Variants in RRP1B observed in about 807,000 individuals in gnomAD.
The protein encoded by RRP1B is ribosomal RNA processing protein 1 homolog B.
In RRP1B, 56 loss-of-function variants were observed where a neutral mutation model predicts 80.2. That is an observed-to-expected ratio of 0.70 (90% CI 0.56 to 0.87). RRP1B has a LOEUF of 0.87. Ranked by LOEUF, RRP1B falls within the 40% of genes least tolerant of loss-of-function variation. RRP1B has a pLI of 0.00. For missense variants in RRP1B, 807 were observed against 939.8 expected (o/e 0.86, Z 1.85); for synonymous variants, 351 against 357.6 (o/e 0.98, Z 0.21).
Position 43,687,654 on chromosome 21 carries a change from GGGGCAGGGAGCCCGAGGCC to G in RRP1B, c.1281_1299del (p.Gly428LeufsTer3), listed in dbSNP as rs2083068902. 6.3e-7 allele frequency: 1 copy of G among 1,583,912 alleles called. No homozygotes were observed. The highest frequency in any genetic ancestry group is 8.6e-7 in the Non-Finnish European group (1 of 1,163,706). ...GCAGCCCCATCCCTGGAACAGAACCGGGGCAGGGAGCCCGAGGCCTCTGGGCTGAAAGCCCTGAAGGCAC... is the reference window on the plus strand; with the variant it reads ...GCAGCCCCATCCCTGGAACAGAACCGTCTGGGCTGAAAGCCCTGAAGGCAC... On this transcript the variant is annotated frameshift_variant, in exon 13 of 16. Transcript: ENST00000340648. LOFTEE classifies it high-confidence loss of function.
intron 1 of RRP1B, among the ~76,000 whole-genome samples, chr21:43,669,074 A>G (rs2082989524): frequency 6.6e-6 from 1 of 152,190 alleles, no homozygotes; most frequent in Non-Finnish European, 1.5e-5. Context: ...ATGCTGCAGT[A>G]AATGATCACC....
At chr21:43,669,988 A>G in intron 2 of RRP1B, 22 bp downstream of exon 2, 1 of 1,570,490 alleles carries the variant, frequency 6.4e-7, no homozygotes, top group Non-Finnish European at 8.7e-7. Context: ...TCCCTTTGTC[A>G]TGCTCCCGGG....
At chr21:43,686,782 A>G in intron 11 of RRP1B, 22 bp from the exon 12 acceptor site, 1 of 1,613,504 alleles carries the variant, frequency 6.2e-7, no homozygotes, top group Non-Finnish European at 8.5e-7. Flanking sequence ...GGAAGCTAAC[A>G]GTGTGTCACT....
chr21:43,659,820 C>T lies in RRP1B; in HGVS notation c.130+26C>T. 1 of 1,489,744 alleles carries T rather than the reference C, an allele frequency of 6.7e-7. No individual in the cohort carries two copies. Among genetic ancestry groups the T allele is most frequent in the Non-Finnish European group, 9.0e-7 (1 of 1,113,908 alleles). The allele number at this position is 1,489,744 out of a possible 1,614,324, so 92.3% of individuals were successfully genotyped here. On this transcript the variant is annotated intron_variant, in intron 1 of 15. Transcript: ENST00000340648. This position sits in a 1 kb window ranked among gnomAD's most constrained non-coding sequence, Gnocchi z 4.2. Reference sequence around the variant, plus strand: ...GTGGGCGCACGGCCGCGGTCAGCCGCGCCACATGGCGGGCCGGGGGCCGGG... The same window carrying T: ...GTGGGCGCACGGCCGCGGTCAGCCGTGCCACATGGCGGGCCGGGGGCCGGG...
intron 7 of RRP1B, 62 bp downstream of exon 7, chr21:43,676,398 C>A: frequency 1.5e-6 from 2 of 1,293,680 alleles, no homozygotes; most frequent in Non-Finnish European, 2.2e-6. Flanking sequence ...AGTTACTTGC[C>A]GTCGTGCAGC....
At chr21:43,679,626 G>A (rs977725925) in intron 8 of RRP1B, among the ~76,000 whole-genome samples, 1 of 152,088 alleles carries the variant, frequency 6.6e-6, no homozygotes, top group Non-Finnish European at 1.5e-5. Flanking sequence ...GCTCTTTTTT[G>A]ATTCCATATG....
chr21:43,686,600 A>T, intron 11 of RRP1B: 1 of 547,406 alleles, frequency 1.8e-6, no homozygotes, highest in Non-Finnish European at 3.2e-6. Context: ...AGGGCTTGTG[A>T]TCCCTTGCCT....
intron 15 of RRP1B, among the ~76,000 whole-genome samples, chr21:43,692,536 T>C (rs543053166): frequency 6.6e-6 from 1 of 151,616 alleles, no homozygotes; most frequent in East Asian, 1.9e-4. Context: ...GAGATGGAGG[T>C]TGCAGTGAGC....
At chr21:43,676,466 C>A in intron 7 of RRP1B, 130 bp downstream of exon 7, 1 of 762,214 alleles carries the variant, frequency 1.3e-6, no homozygotes, top group Non-Finnish European at 2.2e-6. Flanking sequence ...AGAAGACAGC[C>A]GAAGCTTTGA....
chr21:43,687,447 T>C, intron 12 of RRP1B, 69 bp from the exon 13 acceptor site: 1 of 1,441,854 alleles, frequency 6.9e-7, no homozygotes, highest in Admixed American at 2.4e-5. Context: ...TCATACTGTC[T>C]GAGAATCGCC....
chr21:43,666,717 A>C (rs1601751281), intron 1 of RRP1B, among the ~76,000 whole-genome samples: 1 of 13,444 alleles, frequency 7.4e-5, no homozygotes, highest in Non-Finnish European at 1.1e-4. Context: ...AACTGTCTCC[A>C]AAAAAAAAAA....
intron 14 of RRP1B, 99 bp downstream of exon 14, chr21:43,690,539 G>A: frequency 5.1e-6 from 7 of 1,382,266 alleles, no homozygotes; most frequent in Non-Finnish European, 7.0e-6. Flanking sequence ...GAGCCCCACT[G>A]TGGCCCTCTG....
At chr21:43,680,008 A>G (rs1320467926) in intron 8 of RRP1B, among the ~76,000 whole-genome samples, 1 of 152,120 alleles carries the variant, frequency 6.6e-6, no homozygotes, top group Admixed American at 6.5e-5. Flanking sequence ...TTGTTGGTGT[A>G]TAGCCATCAT....
chr21:43,686,642 T>C (rs1012928520), intron 11 of RRP1B, 162 bp from the exon 12 acceptor site: 3 of 760,624 alleles, frequency 3.9e-6, no homozygotes, highest in Non-Finnish European at 6.1e-6. Context: ...AAAGCTTTTT[T>C]AAGTCTGTAA....
Position 43,688,106 on chromosome 21 carries a change from G to A in RRP1B, c.1732G>A (p.Gly578Ser), listed in dbSNP as rs1438267348. 7 of 1,602,998 alleles carry A rather than the reference G, an allele frequency of 4.4e-6. No individual in the cohort carries two copies. The highest frequency in any genetic ancestry group is 1.7e-4 in the Middle Eastern group (1 of 6,024). The change falls in exon 13 of 16, where the codon GGC becomes AGC. Residue 578 changes from glycine (G) to serine (S), a missense_variant. Coordinates refer to ENST00000340648, the MANE Select transcript of RRP1B (RefSeq NM_015056.3). ...RRLQKKKAGP[G>S]SLELCGLPSQ... ...GCTGCAGAAAAAGAAGGCAGGGCCC[G>A]GCAGCCTGGAGCTCTGTGGCCTGCC...
At chr21:43,662,080 A>G (rs2082959894) in intron 1 of RRP1B, among the ~76,000 whole-genome samples, 1 of 152,220 alleles carries the variant, frequency 6.6e-6, no homozygotes, top group African/African-American at 2.4e-5. Context: ...TCTTAGCCAG[A>G]AGTGGGAGTA....
rs764116718 is a variant in RRP1B, at chr21:43,687,628, T to C, written c.1254T>C (p.Gly418=). The C allele has an allele frequency of 6.5e-6, 10 of 1,547,700 alleles. No individual in the cohort carries two copies. The highest frequency in any genetic ancestry group is 8.7e-6 in the Non-Finnish European group (10 of 1,149,190). Residue 418 remains glycine (G), a synonymous_variant, in exon 13 of 16, where the codon GGT becomes GGC. Coordinates refer to ENST00000340648, the MANE Select transcript of RRP1B (RefSeq NM_015056.3). ...HLQPENPGPG[G]AAPSLEQNRG... ...AGCCTGAAAATCCAGGCCCAGGGGG[T>C]GCAGCCCCATCCCTGGAACAGAACC...
rs2147154173 is a variant in RRP1B, at chr21:43,659,673, C to T, written c.9C>T (p.Pro3=). The change falls in exon 1 of 16, where the codon CCC becomes CCT. Residue 3 remains proline (P), a synonymous_variant. Coordinates refer to ENST00000340648, the MANE Select transcript of RRP1B (RefSeq NM_015056.3). The surrounding 1 kb of genome is among the most constrained non-coding windows in gnomAD (Gnocchi z 4.2). ...ATGCTCCAGCGGGCGCGATGGCCCC[C>T]GCCATGCAGCCGGCCGAGATCCAAT... The part of the protein sequence containing the change: MA[P]AMQPAEIQFA... 2.0e-6 allele frequency: 3 copies of T among 1,512,818 alleles called. No individual in the cohort carries two copies. Among genetic ancestry groups the T allele is most frequent in the East Asian group, 2.7e-5 (1 of 36,546 alleles). 93.7% of individuals were successfully genotyped at this position (1,512,818 alleles called of 1,614,324 possible). A position where few individuals can be genotyped will look rare whatever the true frequency, so the allele number is the denominator to read the frequency against.
chr21:43,688,629 C>T (rs1197107432), intron 13 of RRP1B, among the ~76,000 whole-genome samples: 1 of 152,192 alleles, frequency 6.6e-6, no homozygotes, highest in African/African-American at 2.4e-5. Flanking sequence ...AAGAGGAAGC[C>T]CAAAATTCTC....
Sources: gnomAD v4.1 joint callset for allele counts (sites outside exome capture counted in the v4.1 genomes callset) on GRCh38, gnomAD v4.1.1 for gene constraint, Gnocchi (gnomAD v3.1) non-coding constraint, MANE v1.5 for transcripts, NCBI Gene and HGNC (gene_info 2026-07-23, HGNC 2026-07-21) for gene names.